Variants in LMBRD1 observed in about 807,000 individuals in gnomAD.
LMBRD1 encodes lysosomal cobalamin transport escort protein LMBD1.
LMBRD1 carries 64 observed loss-of-function variants against 74.8 expected under a neutral mutation model. The observed-to-expected ratio is 0.86, with a 90% CI of 0.70 to 1.05. The LOEUF (loss-of-function observed/expected upper bound fraction) is 1.05, where lower values mean the gene tolerates loss of function less well. LMBRD1 is among the 50% of genes least tolerant of loss of function. LMBRD1 has a pLI of 0.00. For missense variants in LMBRD1, 652 were observed against 645.9 expected, an observed-to-expected ratio of 1.01 and a Z score of -0.10; for synonymous variants, 204 against 216.3, an observed-to-expected ratio of 0.94 and a Z score of 0.50.
chr6:69,703,818 C>CTA (rs1204553107), intron 9 of LMBRD1, among the ~76,000 whole-genome samples: 1 of 152,044 alleles, frequency 6.6e-6, no homozygotes, highest in Non-Finnish European at 1.5e-5. Flanking sequence ...ATACACTTCA[C>CTA]TCATATTCTC....
intron 7 of LMBRD1, among the ~76,000 whole-genome samples, chr6:69,719,968 C>T (rs1766578661): frequency 6.6e-6 from 1 of 152,202 alleles, no homozygotes; most frequent in Non-Finnish European, 1.5e-5. Context: ...ACCCCAAACA[C>T]CAAAATACCC....
intron 3 of LMBRD1, among the ~76,000 whole-genome samples, chr6:69,756,900 C>A (rs527836853): frequency 6.6e-6 from 1 of 152,316 alleles, no homozygotes; most frequent in Non-Finnish European, 1.5e-5. Context: ...ATAGAGAACA[C>A]ACCAAGGGCT....
chr6:69,743,101 C>T (rs1436955302), intron 5 of LMBRD1, among the ~76,000 whole-genome samples: 1 of 152,078 alleles, frequency 6.6e-6, no homozygotes, highest in African/African-American at 2.4e-5. Flanking sequence ...TTGTATATTA[C>T]ACATCCATAA....
chr6:69,721,010 T>G (rs1766602209), intron 7 of LMBRD1, among the ~76,000 whole-genome samples: 1 of 152,330 alleles, frequency 6.6e-6, no homozygotes, highest in South Asian at 2.1e-4. Flanking sequence ...AGAGCCATAC[T>G]GGGCTCAGCT....
chr6:69,726,970 A>G lies in LMBRD1; in HGVS notation c.637-7889T>C, dbSNP rs150226319. On this transcript the variant is annotated intron_variant, in intron 7 of 15. Transcript: ENST00000649934. ...GGAGTTTGAGAACAGCCTGGTCAAC[A>G]TGGTGAAATCCCATCTCTACTAAAA... is the stretch of plus-strand genomic sequence containing the variant. 3.5e-3 allele frequency among the ~76,000 whole-genome samples: 531 copies of G among 152,210 alleles called. 1 individual carries two copies. Among genetic ancestry groups the G allele is most frequent in the African/African-American group, 0.012 (512 of 41,528 alleles).
chr6:69,678,288 C>A (rs1451138897), intron 14 of LMBRD1, among the ~76,000 whole-genome samples: 2 of 151,866 alleles, frequency 1.3e-5, no homozygotes, highest in African/African-American at 4.8e-5. Context: ...AGGTCTTTAT[C>A]CTCATTGTCT....
chr6:69,701,916 AGCAAT>A lies in LMBRD1; in HGVS notation c.948_952del (p.Leu317ValfsTer12). The A allele has an allele frequency of 6.2e-7, 1 of 1,601,556 alleles. No individual in the cohort carries two copies. Among genetic ancestry groups the A allele is most frequent in the Non-Finnish European group, 8.6e-7 (1 of 1,169,440 alleles). On this transcript the variant is annotated frameshift_variant, in exon 10 of 16. Coordinates refer to ENST00000649934, the MANE Select transcript of LMBRD1 (RefSeq NM_018368.4). LOFTEE classifies it high-confidence loss of function. The stretch of plus-strand genomic sequence containing the variant: ...TGACAAGAAGAGAGAAATTACAAAC[AGCAAT>A]GCAACTAAGATGAAAAATATTCCCC...
intron 1 of LMBRD1, among the ~76,000 whole-genome samples, chr6:69,794,402 G>A (rs1766166004): frequency 6.6e-6 from 1 of 152,220 alleles, no homozygotes; most frequent in South Asian, 2.1e-4. Context: ...TATGAAGCAT[G>A]CGTACATAAA....
At chr6:69,760,083 C>G (rs1289554328) in intron 3 of LMBRD1, among the ~76,000 whole-genome samples, 1 of 152,166 alleles carries the variant, frequency 6.6e-6, no homozygotes, top group Non-Finnish European at 1.5e-5. Context: ...AGCAAAATAG[C>G]TTGTCATTAT....
intron 9 of LMBRD1, among the ~76,000 whole-genome samples, chr6:69,706,990 A>T (rs1487112300): frequency 6.6e-6 from 1 of 152,190 alleles, no homozygotes; most frequent in Non-Finnish European, 1.5e-5. Context: ...AACCAAGAGT[A>T]GGGCTATGTT....
intron 14 of LMBRD1, among the ~76,000 whole-genome samples, chr6:69,679,843 T>C (rs149695753): frequency 6.6e-6 from 1 of 152,218 alleles, no homozygotes; most frequent in African/African-American, 2.4e-5. Context: ...TCATATGACA[T>C]ATACATCAAA....
intron 9 of LMBRD1, 125 bp from the exon 10 acceptor site, chr6:69,702,078 A>C: frequency 1.5e-6 from 1 of 661,160 alleles, no homozygotes; most frequent in South Asian, 1.8e-5. Flanking sequence ...TCTAAGATAC[A>C]TTTTAACTTA....
chr6:69,793,733 T>C (rs1296816811), intron 1 of LMBRD1, among the ~76,000 whole-genome samples: 1 of 149,392 alleles, frequency 6.7e-6, no homozygotes, highest in African/African-American at 2.5e-5. Flanking sequence ...TTTTTTTTTT[T>C]TTTTTTTTGA....
At chr6:69,686,488 C>T (rs990391283) in intron 14 of LMBRD1, among the ~76,000 whole-genome samples, 2 of 152,054 alleles carry the variant, frequency 1.3e-5, no homozygotes, top group African/African-American at 4.8e-5. Flanking sequence ...AATGTATAAC[C>T]TTAATAGGTA....
intron 7 of LMBRD1, among the ~76,000 whole-genome samples, chr6:69,732,790 C>T (rs919358763): frequency 6.6e-6 from 1 of 152,148 alleles, no homozygotes; most frequent in African/African-American, 2.4e-5. Flanking sequence ...GTTCACTGGT[C>T]CATACGATAC....
At chr6:69,747,168 G>A (rs1056316873) in intron 5 of LMBRD1, among the ~76,000 whole-genome samples, 2 of 152,096 alleles carry the variant, frequency 1.3e-5, no homozygotes, top group African/African-American at 4.8e-5. Context: ...GAAGTCACAA[G>A]GGTGGGGCCC....
chr6:69,780,207 AC>A (rs1765800235), intron 3 of LMBRD1, among the ~76,000 whole-genome samples: 1 of 145,214 alleles, frequency 6.9e-6, no homozygotes, highest in African/African-American at 2.6e-5. Context: ...AAACACTGGC[AC>A]CTTCAGCCTC....
chr6:69,715,359 G>A (rs1766466474), intron 8 of LMBRD1, among the ~76,000 whole-genome samples: 1 of 152,080 alleles, frequency 6.6e-6, no homozygotes, highest in Non-Finnish European at 1.5e-5. Flanking sequence ...CAAGTTATCT[G>A]CCTACTTGGT....
At chr6:69,676,969 G>A (rs917658283) in intron 14 of LMBRD1, among the ~76,000 whole-genome samples, 9 of 152,070 alleles carry the variant, frequency 5.9e-5, no homozygotes, top group Non-Finnish European at 1.3e-4. Context: ...GGGGCAGAAA[G>A]GTCTAATACC....
Sources: allele counts gnomAD v4.1 joint callset (sites outside exome capture counted in the v4.1 genomes callset), GRCh38; gene constraint gnomAD v4.1.1; transcripts MANE v1.5; gene names NCBI Gene and HGNC (gene_info 2026-07-23, HGNC 2026-07-21).